Variants in HDAC3 observed in about 807,000 individuals in gnomAD.
HDAC3 encodes histone deacetylase 3.
A neutral mutation model predicts 62.3 loss-of-function variants in HDAC3; 21 were observed. The ratio of observed to expected loss-of-function variants is 0.34; its 90% CI spans 0.24 to 0.49. The LOEUF is 0.49. Among genes scored for constraint, HDAC3 ranks in the 20% least tolerant of loss-of-function variants. The probability of loss-of-function intolerance (pLI) is 0.99; values close to 1 mark genes in which losing one functional copy is unlikely to be tolerated. For missense variants in HDAC3, 270 were observed against 556.9 expected (o/e 0.48, Z 5.19); for synonymous variants, 198 against 206.5 (o/e 0.96, Z 0.35).
In HDAC3 at chr5:141,628,759, C is replaced by T; in HGVS notation, c.611-120G>A. The T allele has an allele frequency of 1.4e-6, 1 of 692,270 alleles. No individual in the cohort carries two copies. Among genetic ancestry groups the T allele is most frequent in the Non-Finnish European group, 2.5e-6 (1 of 404,156 alleles). The allele number at this position is 692,270 out of a possible 1,614,324, so 42.9% of individuals were successfully genotyped here. On this transcript the variant is annotated intron_variant, in intron 7 of 14. Transcript: ENST00000305264. The surrounding 1 kb of genome is among the most constrained non-coding windows in gnomAD (Gnocchi z 4.7). ...TCTATGTAGCTTCACCATAAACTCC[C>T]TAGAGCCACTAAATCTCTTGCAGCT...
intron 10 of HDAC3, among the ~76,000 whole-genome samples, chr5:141,627,413 G>A (rs930904365): frequency 6.6e-6 from 1 of 152,076 alleles, no homozygotes; most frequent in African/African-American, 2.4e-5. Flanking sequence ...CCATGCTTGG[G>A]TCAGGCTTCT....
chr5:141,624,223 G>A (rs1055070691), intron 14 of HDAC3, among the ~76,000 whole-genome samples: 2 of 151,112 alleles, frequency 1.3e-5, no homozygotes, highest in South Asian at 2.1e-4. Context: ...CTTTCTGGAC[G>A]GCAATTTGGC....
At chr5:141,630,616 A>G (rs2099905061) in intron 3 of HDAC3, among the ~76,000 whole-genome samples, 1 of 152,220 alleles carries the variant, frequency 6.6e-6, no homozygotes, top group Non-Finnish European at 1.5e-5. Context: ...GCCTTTAATA[A>G]ATGTCAGCTA....
Position 141,634,842 on chromosome 5 carries a change from T to A in HDAC3, c.250A>T (p.Ser84Cys). The change falls in exon 3 of 15, where the codon AGT (serine) becomes TGT (cysteine). Residue 84 changes from serine to cysteine, a missense_variant. By Grantham distance (112) the Ser-to-Cys change is moderately radical. Transcript: ENST00000305264. ...SPTNMQGFTK[S>C]LNAFNVGDDC... ...TCGCCTACGTTGAAGGCATTAAGAC[T>A]CTTGGTGAAGCCTTGCATATTGGTG... 5 of 1,614,120 alleles carry A rather than the reference T, an allele frequency of 3.1e-6. No individual in the cohort carries two copies. Among genetic ancestry groups the A allele is most frequent in the Non-Finnish European group, 3.4e-6 (4 of 1,180,002 alleles).
In HDAC3 at chr5:141,625,163, C is replaced by G. The variant is rs770737031; in HGVS notation, c.1217+45G>C. 13 of 1,549,924 alleles carry G rather than the reference C, an allele frequency of 8.4e-6. No homozygotes were observed. The African/African-American group carries it at 1.1e-4, about 13-fold the overall frequency. ...ATTTACTTTTTCCCTTTTAAACCTC[C>G]CCAGCAAGCCTATTGAAAGTAGGCT... On this transcript the variant is annotated intron_variant, in intron 14 of 14. Coordinates refer to ENST00000305264, the MANE Select transcript of HDAC3 (RefSeq NM_003883.4). The surrounding 1 kb of genome is among the most constrained non-coding windows in gnomAD (Gnocchi z 4.0).
chr5:141,625,324 C>T lies in HDAC3; in HGVS notation c.1101G>A (p.Lys367=). The T allele has an allele frequency of 6.2e-7, 1 of 1,614,174 alleles. No homozygotes were observed. Among genetic ancestry groups the T allele is most frequent in the Non-Finnish European group, 8.5e-7 (1 of 1,180,044 alleles). ...QIRQTIFENL[K]MLNHAPSVQI... is the part of the protein sequence containing the mutation. ...GGACACTAGGTGCATGGTTCAGCAT[C>T]TTCAGGTTTTCAAAGATTGTCTGGC... The change falls in exon 14 of 15, where the codon AAG becomes AAA. Residue 367 remains lysine (K), a synonymous_variant. Coordinates refer to ENST00000305264, the MANE Select transcript of HDAC3 (RefSeq NM_003883.4). This position sits in a 1 kb window ranked among gnomAD's most constrained non-coding sequence, Gnocchi z 4.0.
chr5:141,628,016 A>T lies in HDAC3; in HGVS notation c.766-59T>A, dbSNP rs2099904694. 6.2e-7 allele frequency: 1 copy of T among 1,605,004 alleles called. No individual in the cohort carries two copies. Among genetic ancestry groups the T allele is most frequent in the Non-Finnish European group, 8.5e-7 (1 of 1,171,686 alleles). On this transcript the variant is annotated intron_variant, in intron 9 of 14. Coordinates refer to ENST00000305264, the MANE Select transcript of HDAC3 (RefSeq NM_003883.4). The surrounding 1 kb of genome is among the most constrained non-coding windows in gnomAD (Gnocchi z 4.7). ...ATCAGAACTGATCAGAACATCACAG[A>T]TACCCCTTCCACCACCAACCTAAAG...
At position 141,628,779 on chromosome 5, in the gene HDAC3, G is replaced by C. The variant is rs2099904811; in HGVS notation, c.611-140C>G. 3 of 650,816 alleles carry C rather than the reference G, an allele frequency of 4.6e-6. No individual in the cohort carries two copies. Among genetic ancestry groups the C allele is most frequent in the Non-Finnish European group, 8.0e-6 (3 of 374,858 alleles). 40.3% of individuals were successfully genotyped at this position (650,816 alleles called of 1,614,324 possible). ...ACTCCCTAGAGCCACTAAATCTCTT[G>C]CAGCTTGCATTCATTGGGCAAATAG... On this transcript the variant is annotated intron_variant, in intron 7 of 14. Transcript: ENST00000305264. The surrounding 1 kb of genome is among the most constrained non-coding windows in gnomAD (Gnocchi z 4.7).
Position 141,625,384 on chromosome 5 carries a change from T to C in HDAC3, c.1060-19A>G. 1.2e-6 allele frequency: 2 copies of C among 1,613,472 alleles called. No homozygotes were observed. The highest frequency in any genetic ancestry group is 1.7e-6 in the Non-Finnish European group (2 of 1,179,694). ...CCAGATACTGGTTGGAAATGAGGAA[T>C]ACAGAGTGAGCAGTTTCCAGAGATT... On this transcript the variant is annotated intron_variant, in intron 13 of 14. Transcript: ENST00000305264. The surrounding 1 kb of genome is among the most constrained non-coding windows in gnomAD (Gnocchi z 4.0).
chr5:141,631,554 T>C (rs1396057748), intron 3 of HDAC3, among the ~76,000 whole-genome samples: 2 of 152,224 alleles, frequency 1.3e-5, no homozygotes, highest in African/African-American at 2.4e-5. Context: ...AATGTGATGG[T>C]GTAAGAAGAC....
chr5:141,634,612 A>G (rs1292612835), intron 3 of HDAC3, among the ~76,000 whole-genome samples, 199 bp downstream of exon 3: 1 of 152,220 alleles, frequency 6.6e-6, no homozygotes, highest in African/African-American at 2.4e-5. Flanking sequence ...GTTTTTGTTC[A>G]TCACTGCATT....
intron 14 of HDAC3, among the ~76,000 whole-genome samples, chr5:141,621,846 G>A (rs1005099642): frequency 1.3e-5 from 2 of 152,198 alleles, no homozygotes; most frequent in Non-Finnish European, 1.5e-5. Context: ...TCAGATGATG[G>A]AGAGTACAAT....
Position 141,626,924 on chromosome 5 carries a change from C to T in HDAC3, c.831-641G>A, listed in dbSNP as rs2099904516. ...CTGGTCTTTCTACTTCCATCTCCATCCCCCCTACCCAAACCTTTCTCTATT... is the reference window on the plus strand; with the variant it reads ...CTGGTCTTTCTACTTCCATCTCCATTCCCCCTACCCAAACCTTTCTCTATT... On this transcript the variant is annotated intron_variant, in intron 10 of 14. Transcript: ENST00000305264. The surrounding 1 kb of genome is among the most constrained non-coding windows in gnomAD (Gnocchi z 4.6). Among the ~76,000 whole-genome samples, 2 of 152,032 alleles carry T rather than the reference C, an allele frequency of 1.3e-5. No individual in the cohort carries two copies. Among genetic ancestry groups the T allele is most frequent in the South Asian group, 4.2e-4 (2 of 4,804 alleles).
In HDAC3 at chr5:141,626,511, C is replaced by A; in HGVS notation, c.831-228G>T. 2 of 521,476 alleles carry A rather than the reference C, an allele frequency of 3.8e-6. No individual in the cohort carries two copies. Among genetic ancestry groups the A allele is most frequent in the South Asian group, 2.1e-5 (1 of 46,946 alleles). The allele number at this position is 521,476 out of a possible 1,614,324, so 32.3% of individuals were successfully genotyped here. A position where few individuals can be genotyped will look rare whatever the true frequency, so the allele number is the denominator to read the frequency against. ...AGTCCCCCCTCTGTTCTGCTCAACA[C>A]CCTCCCTGGCACCCTGCCTGCTAAT... On this transcript the variant is annotated intron_variant, in intron 10 of 14. Coordinates refer to ENST00000305264, the MANE Select transcript of HDAC3 (RefSeq NM_003883.4). The surrounding 1 kb of genome is among the most constrained non-coding windows in gnomAD (Gnocchi z 4.6).
At chr5:141,635,120 T>C (rs2099905762) in intron 2 of HDAC3, 167 bp from the exon 3 acceptor site, 3 of 620,434 alleles carry the variant, frequency 4.8e-6, no homozygotes, top group African/African-American at 3.8e-5. Flanking sequence ...CCAGGTAAGT[T>C]ATTACAAATG....
rs1047891317 is a variant in HDAC3, at chr5:141,628,555, T to C, written c.691+4A>G. On this transcript the variant is annotated splice_donor_region_variant and intron_variant, in intron 8 of 14. Transcript: ENST00000305264. This position sits in a 1 kb window ranked among gnomAD's most constrained non-coding sequence, Gnocchi z 4.7. Reference sequence around the variant, plus strand: ...GGGAACAGAGGGAAGACTTCGGTACTTACTCTGGTCATCAATGCCATCCCG... The same window carrying C: ...GGGAACAGAGGGAAGACTTCGGTACCTACTCTGGTCATCAATGCCATCCCG... 1.9e-6 allele frequency: 3 copies of C among 1,612,204 alleles called. No homozygotes were observed. Among genetic ancestry groups the C allele is most frequent in the Non-Finnish European group, 2.5e-6 (3 of 1,178,374 alleles).
chr5:141,621,424 GA>G lies in HDAC3; in HGVS notation c.*43del. On this transcript the variant is annotated 3_prime_UTR_variant, in exon 15 of 15. Coordinates refer to ENST00000305264, the MANE Select transcript of HDAC3 (RefSeq NM_003883.4). ...CTCCTTTTCCCTCCAGCCCAACCAA[GA>G]GGTGAAAAGAAATTCCTTGGGACAC... The G allele has an allele frequency of 6.4e-7, 1 of 1,567,862 alleles. No individual in the cohort carries two copies. The highest frequency in any genetic ancestry group is 8.8e-7 in the Non-Finnish European group (1 of 1,138,038).
At chr5:141,635,193 C>CT (rs1389958042) in intron 2 of HDAC3, 13 of 435,136 alleles carry the variant, frequency 3.0e-5, no homozygotes, top group Non-Finnish European at 4.9e-5. Flanking sequence ...ACCTTCTCAA[C>CT]TTTGAGCCCT....
Position 141,621,176 on chromosome 5 carries a change from GA to G in HDAC3, c.*291del, listed in dbSNP as rs1484427087. On this transcript the variant is annotated 3_prime_UTR_variant, in exon 15 of 15. Coordinates refer to ENST00000305264, the MANE Select transcript of HDAC3 (RefSeq NM_003883.4). ...CTCTGGGTTCGAGGGAAGCAGGGAA[GA>G]AATAAGGGGCAAGGGGGGCTAGGGA... is the stretch of plus-strand genomic sequence containing the variant. 1 of 353,156 alleles carries G rather than the reference GA, an allele frequency of 2.8e-6. No individual in the cohort carries two copies. The highest frequency in any genetic ancestry group is 2.2e-5 in the African/African-American group (1 of 45,580). 21.9% of individuals were successfully genotyped at this position (353,156 alleles called of 1,614,324 possible). A position where few individuals can be genotyped will look rare whatever the true frequency, so the allele number is the denominator to read the frequency against.
Sources: gnomAD v4.1 joint callset for allele counts (sites outside exome capture counted in the v4.1 genomes callset) on GRCh38, gnomAD v4.1.1 for gene constraint, Gnocchi (gnomAD v3.1) non-coding constraint, MANE v1.5 for transcripts, NCBI Gene and HGNC (gene_info 2026-07-23, HGNC 2026-07-21) for gene names.